Variants in STEAP1 observed in about 807,000 individuals in gnomAD.
STEAP1 encodes STEAP1 protein.
Under a neutral mutation model 34.4 loss-of-function variants are expected in STEAP1, and 30 were observed. The ratio of observed to expected loss-of-function variants is 0.87; its 90% CI spans 0.65 to 1.18. The LOEUF is 1.18. Ranked by LOEUF, STEAP1 falls within the 50% of genes most tolerant of loss-of-function variation. STEAP1 has a pLI of 0.00. For missense variants in STEAP1, 318 were observed against 391.1 expected (o/e 0.81, Z 1.58); for synonymous variants, 116 against 135.3 (o/e 0.86, Z 0.99).
intron 1 of STEAP1, among the ~76,000 whole-genome samples, chr7:90,154,750 TG>T: frequency 6.6e-6 from 1 of 151,320 alleles, no homozygotes; most frequent in East Asian, 2.0e-4. Context: ...CCAGCCCAGC[TG>T]GGTTGTGGCC....
chr7:90,164,553 T>C lies in STEAP1; in HGVS notation c.839T>C (p.Ile280Thr), dbSNP rs762298030. Reference sequence around the variant, plus strand: ...TTTGCCTGGAATAAGTGGATAGATATAAAACAATTTGTATGGTATACACCT... The same window carrying C: ...TTTGCCTGGAATAAGTGGATAGATACAAAACAATTTGTATGGTATACACCT... The part of the protein sequence containing the change: ...LIFAWNKWID[I>T]KQFVWYTPPT... The change falls in exon 5 of 5, where the codon ATA becomes ACA. Residue 280 changes from isoleucine (I) to threonine (T), a missense_variant. Coordinates refer to ENST00000297205, the MANE Select transcript of STEAP1 (RefSeq NM_012449.3). 6.8e-6 allele frequency: 11 copies of C among 1,613,632 alleles called. No individual in the cohort carries two copies. The highest frequency in any genetic ancestry group is 1.3e-5 in the African/African-American group (1 of 74,910).
chr7:90,162,544 G>C (rs1181709011), intron 4 of STEAP1, among the ~76,000 whole-genome samples: 1 of 151,988 alleles, frequency 6.6e-6, no homozygotes, highest in Non-Finnish European at 1.5e-5. Flanking sequence ...GGCCAGGCTG[G>C]TCTCGATCTC....
chr7:90,159,922 A>G, intron 2 of STEAP1, 50 bp downstream of exon 2: 2 of 1,254,400 alleles, frequency 1.6e-6, no homozygotes, highest in Non-Finnish European at 2.1e-6. Flanking sequence ...ATCTTTAAAC[A>G]TAATTCAGAT....
intron 4 of STEAP1, among the ~76,000 whole-genome samples, 165 bp from the exon 5 acceptor site, chr7:90,164,312 G>T (rs1794222370): frequency 6.6e-6 from 1 of 152,110 alleles, no homozygotes; most frequent in Non-Finnish European, 1.5e-5. Flanking sequence ...AGGTGAGGAG[G>T]ATAGGCAAAA....
chr7:90,162,414 C>T (rs924176888), intron 4 of STEAP1, among the ~76,000 whole-genome samples: 47 of 151,484 alleles, frequency 3.1e-4, no homozygotes, highest in African/African-American at 1.1e-3. Flanking sequence ...CTGCAACCTG[C>T]GCCTCCTGGG....
intron 3 of STEAP1, 97 bp from the exon 4 acceptor site, chr7:90,161,817 G>A (rs1794190436): frequency 1.4e-6 from 2 of 1,478,996 alleles, no homozygotes; most frequent in African/African-American, 1.4e-5. Flanking sequence ...TGTTATCAGG[G>A]CTTCATAGTA....
At chr7:90,163,973 A>C (rs1301105252) in intron 4 of STEAP1, among the ~76,000 whole-genome samples, 1 of 152,194 alleles carries the variant, frequency 6.6e-6, no homozygotes, top group Admixed American at 6.5e-5. Context: ...TCGCCTTCAC[A>C]ACTGATAAAG....
rs186095589 is a variant in STEAP1 at position 90,163,723 on chromosome 7, C to T, written c.763-754C>T. On this transcript the variant is annotated intron_variant, in intron 4 of 4. Transcript: ENST00000297205. ...TCGTATAAAAGAGGTGTTGTCAGAACACCGTTGAGATTACATAGGTGAACA... is the reference window on the plus strand; with the variant it reads ...TCGTATAAAAGAGGTGTTGTCAGAATACCGTTGAGATTACATAGGTGAACA... Among the ~76,000 whole-genome samples the T allele has an allele frequency of 6.4e-4, 98 of 152,304 alleles. No homozygotes were observed. In the East Asian group the frequency reaches 0.018, roughly 27 times the overall value.
intron 1 of STEAP1, among the ~76,000 whole-genome samples, chr7:90,155,793 G>A (rs2115954223): frequency 6.6e-6 from 1 of 152,180 alleles, no homozygotes; most frequent in South Asian, 2.1e-4. Flanking sequence ...GCAGACAAAT[G>A]GCTGGGTAAC....
At chr7:90,161,636 C>T (rs1794187784) in intron 3 of STEAP1, among the ~76,000 whole-genome samples, 1 of 152,030 alleles carries the variant, frequency 6.6e-6, no homozygotes, top group Non-Finnish European at 1.5e-5. Context: ...TCCTTGTTTA[C>T]CAATATGCAT....
Position 90,164,716 on chromosome 7 carries a change from G to A in STEAP1, c.1002G>A (p.Glu334=). The A allele has an allele frequency of 6.2e-7, 1 of 1,612,010 alleles. No individual in the cohort carries two copies. Among genetic ancestry groups the A allele is most frequent in the Non-Finnish European group, 8.5e-7 (1 of 1,179,226 alleles). The part of the protein sequence containing the change: ...WEDVTKINKT[E]ICSQL ...ACGTCACCAAAATTAACAAAACTGA[G>A]ATATGTTCCCAGTTGTAGAATTACT... Residue 334 remains glutamate, a synonymous_variant, in exon 5 of 5, where the codon GAG becomes GAA. Transcript: ENST00000297205.
chr7:90,157,146 AG>A (rs1441065697), intron 1 of STEAP1, among the ~76,000 whole-genome samples: 15 of 152,262 alleles, frequency 9.9e-5, no homozygotes, highest in Non-Finnish European at 1.6e-4. Context: ...TTTACATGCC[AG>A]TGGTGAACAC....
chr7:90,156,091 T>G (rs1255127744), intron 1 of STEAP1, among the ~76,000 whole-genome samples: 2 of 152,220 alleles, frequency 1.3e-5, no homozygotes, highest in East Asian at 1.9e-4. Context: ...CCTTACATTG[T>G]TGTTCACAAT....
At chr7:90,160,123 T>G (rs547787719) in intron 2 of STEAP1, among the ~76,000 whole-genome samples, 9 of 152,108 alleles carry the variant, frequency 5.9e-5, no homozygotes, top group Non-Finnish European at 1.2e-4. Context: ...GGTCTTAGTT[T>G]GTTTATACCA....
Position 90,160,493 on chromosome 7 carries a change from T to G in STEAP1, c.85-312T>G, listed in dbSNP as rs958113142. 3.3e-5 allele frequency among the ~76,000 whole-genome samples: 5 copies of G among 150,588 alleles called. No individual in the cohort carries two copies. In the Admixed American group the frequency reaches 3.3e-4, roughly 10 times the overall value. The stretch of plus-strand genomic sequence containing the variant: ...AATTATTTATTTAATCTTAATAATT[T>G]TAATAGGGAAAAGTAATTAATAAAT... On this transcript the variant is annotated intron_variant, in intron 2 of 4. Coordinates refer to ENST00000297205, the MANE Select transcript of STEAP1 (RefSeq NM_012449.3).
chr7:90,158,296 T>G (rs1483921811), intron 1 of STEAP1, among the ~76,000 whole-genome samples: 1 of 152,228 alleles, frequency 6.6e-6, no homozygotes, highest in Non-Finnish European at 1.5e-5. Context: ...TCTTTAATAA[T>G]AAATTAACTT....
In STEAP1 at chr7:90,161,277, G is replaced by A. The variant is rs143969433; in HGVS notation, c.557G>A (p.Arg186Gln). The A allele has an allele frequency of 9.3e-5, 150 of 1,613,944 alleles. No individual in the cohort carries two copies. Among genetic ancestry groups the A allele is most frequent in the African/African-American group, 8.8e-4 (66 of 74,998 alleles). The change falls in exon 3 of 5, where the codon CGA becomes CAA. Residue 186 changes from arginine to glutamine, a missense_variant. By Grantham distance (43) the Arg-to-Gln change is conservative. Transcript: ENST00000297205. ...AIYSLSYPMR[R>Q]SYRYKLLNWA... ...TATAGTCTGTCTTACCCAATGAGGCGATCCTACAGATACAAGTTGCTAAAC... is the reference window on the plus strand; with the variant it reads ...TATAGTCTGTCTTACCCAATGAGGCAATCCTACAGATACAAGTTGCTAAAC...
At chr7:90,162,720 TA>T (rs968204580) in intron 4 of STEAP1, among the ~76,000 whole-genome samples, 1 of 151,958 alleles carries the variant, frequency 6.6e-6, no homozygotes, top group East Asian at 1.9e-4. Context: ...TATTATTTCT[TA>T]AAAAAAATAT....
intron 1 of STEAP1, 71 bp from the exon 2 acceptor site, chr7:90,159,687 T>G (rs962225143): frequency 2.4e-5 from 20 of 850,290 alleles, no homozygotes; most frequent in Non-Finnish European, 2.5e-5. Flanking sequence ...AGTAAATTTT[T>G]TATATTGTTA....
Sources: allele counts gnomAD v4.1 joint callset (sites outside exome capture counted in the v4.1 genomes callset), GRCh38; gene constraint gnomAD v4.1.1; transcripts MANE v1.5; gene names NCBI Gene and HGNC (gene_info 2026-07-23, HGNC 2026-07-21).